The following IGSF21 variants were observed in gnomAD, a reference collection of about 807,000 sequenced individuals.
IGSF21 encodes the protein immunoglobulin superfamily member 21.
Under a neutral mutation model 46.8 loss-of-function variants are expected in IGSF21, and 28 were observed. The ratio of observed to expected loss-of-function variants is 0.60; its 90% CI spans 0.44 to 0.82. The LOEUF is 0.82. Among genes scored for constraint, IGSF21 ranks in the 40% least tolerant of loss-of-function variants. IGSF21 has a pLI of 0.00. For synonymous variants in IGSF21, 284 were observed against 273.6 expected (o/e 1.04, Z -0.38); for missense variants, 624 against 665.5 (o/e 0.94, Z 0.69).
intron 1 of IGSF21, among the ~76,000 whole-genome samples, chr1:18,124,875 C>T (rs748300793): frequency 1.3e-5 from 2 of 152,176 alleles, no homozygotes; most frequent in South Asian, 2.1e-4. Context: ...TTTAGTGCGG[C>T]GTGTGGGTCT....
At chr1:18,268,796 AG>A (rs755664703) in intron 2 of IGSF21, among the ~76,000 whole-genome samples, 4 of 152,162 alleles carry the variant, frequency 2.6e-5, no homozygotes, top group Non-Finnish European at 4.4e-5. Flanking sequence ...AAGGGCTGAG[AG>A]CTGTCCCACA....
intron 4 of IGSF21, among the ~76,000 whole-genome samples, chr1:18,347,056 G>T (rs1200823992): frequency 1.3e-5 from 2 of 152,218 alleles, no homozygotes; most frequent in Non-Finnish European, 2.9e-5. Flanking sequence ...GGGCTCGGAG[G>T]AGCATTTTGA....
intron 4 of IGSF21, among the ~76,000 whole-genome samples, chr1:18,348,582 A>G (rs1432781254): frequency 6.6e-6 from 1 of 152,204 alleles, no homozygotes; most frequent in African/African-American, 2.4e-5. Context: ...TGGCTGTTGA[A>G]ACTGCAGTGC....
chr1:18,253,442 G>A (rs894741039), intron 2 of IGSF21, among the ~76,000 whole-genome samples: 5 of 152,230 alleles, frequency 3.3e-5, no homozygotes, highest in Non-Finnish European at 7.3e-5. Context: ...CATCAGCCTT[G>A]CAGAAGCTGC....
intron 2 of IGSF21, among the ~76,000 whole-genome samples, chr1:18,270,948 C>A (rs773550142): frequency 3.9e-5 from 6 of 152,190 alleles, no homozygotes; most frequent in Non-Finnish European, 5.9e-5. Context: ...TTTACCTGAC[C>A]GTGCAAGTAA....
chr1:18,295,476 G>C (rs902193477), intron 3 of IGSF21, among the ~76,000 whole-genome samples: 2 of 152,194 alleles, frequency 1.3e-5, no homozygotes, highest in Non-Finnish European at 2.9e-5. Context: ...GCAAAGAAGT[G>C]ATTCTAAACC....
intron 2 of IGSF21, among the ~76,000 whole-genome samples, chr1:18,236,921 C>T (rs995731580): frequency 6.6e-6 from 1 of 152,164 alleles, no homozygotes; most frequent in Non-Finnish European, 1.5e-5. Context: ...GGGCTAATGC[C>T]TAGCTAGAGT....
At chr1:18,318,950 C>T (rs1480586520) in intron 3 of IGSF21, among the ~76,000 whole-genome samples, 1 of 152,152 alleles carries the variant, frequency 6.6e-6, no homozygotes, top group African/African-American at 2.4e-5. Flanking sequence ...GGATTTAAAC[C>T]AGGGAATGAC....
intron 1 of IGSF21, among the ~76,000 whole-genome samples, chr1:18,227,567 T>G: frequency 6.6e-6 from 1 of 151,664 alleles, no homozygotes; most frequent in East Asian, 1.9e-4. Context: ...AGAAATACAT[T>G]GAGGCTGTTC....
intron 3 of IGSF21, among the ~76,000 whole-genome samples, chr1:18,321,261 G>C (rs2085598081): frequency 6.6e-6 from 1 of 152,172 alleles, no homozygotes. Context: ...TGTTGCTGTA[G>C]AGCCACAGTC....
Position 18,359,367 on chromosome 1 carries a change from AAAGAAAGAAAGAAAGAAAGGAAGGAAGG to A in IGSF21, c.425-2744_425-2717del, listed in dbSNP as rs1354405428. On this transcript the variant is annotated intron_variant, in intron 4 of 9. Coordinates refer to ENST00000251296, the MANE Select transcript of IGSF21 (RefSeq NM_032880.5). Reference sequence around the variant, plus strand: ...GAAAGAAAGAAAGAAAGAAAGAAAGAAAGAAAGAAAGAAAGAAAGGAAGGAAGGAAGGAAGGAAGGAAGGAAGGAAGGA... The same window carrying A: ...GAAAGAAAGAAAGAAAGAAAGAAAGAAAGGAAGGAAGGAAGGAAGGAAGGA... 2.9e-3 allele frequency among the ~76,000 whole-genome samples: 278 copies of A among 97,376 alleles called. 4 individuals are homozygous for A. Among genetic ancestry groups the A allele is most frequent in the African/African-American group, 9.0e-3 (252 of 27,848 alleles). 63.9% of individuals were successfully genotyped at this position (97,376 alleles called of 152,430 possible). A position where few individuals can be genotyped will look rare whatever the true frequency, so the allele number is the denominator to read the frequency against.
chr1:18,307,827 C>A (rs1199247673), intron 3 of IGSF21, among the ~76,000 whole-genome samples: 2 of 152,202 alleles, frequency 1.3e-5, no homozygotes, highest in African/African-American at 4.8e-5. Flanking sequence ...TGGTTCTCAT[C>A]TTCAGGGTGC....
intron 4 of IGSF21, among the ~76,000 whole-genome samples, chr1:18,354,888 G>A (rs1189973226): frequency 1.4e-5 from 1 of 71,440 alleles, no homozygotes; most frequent in Admixed American, 1.3e-4. Flanking sequence ...GAAGGTTTAT[G>A]TTTGCTTTCC....
chr1:18,232,416 A>G (rs1246441890), intron 2 of IGSF21, among the ~76,000 whole-genome samples: 1 of 152,170 alleles, frequency 6.6e-6, no homozygotes, highest in Non-Finnish European at 1.5e-5. Context: ...TGAGTGGCTG[A>G]CATTATTGAG....
chr1:18,272,283 A>C (rs913160364), intron 2 of IGSF21, among the ~76,000 whole-genome samples: 3 of 141,674 alleles, frequency 2.1e-5, no homozygotes, highest in Non-Finnish European at 3.1e-5. Context: ...ACAACACGTG[A>C]GAAGTATGAG....
chr1:18,174,983 G>A (rs1324925566), intron 1 of IGSF21, among the ~76,000 whole-genome samples: 1 of 152,232 alleles, frequency 6.6e-6, no homozygotes, highest in Non-Finnish European at 1.5e-5. Context: ...AGTCCCCTGA[G>A]GTGGGACCGT....
intron 2 of IGSF21, among the ~76,000 whole-genome samples, chr1:18,250,428 A>G (rs1013711800): frequency 1.3e-5 from 2 of 152,080 alleles, no homozygotes; most frequent in African/African-American, 4.8e-5. Flanking sequence ...CATCTGGTGA[A>G]GCAGCCTCCA....
intron 1 of IGSF21, among the ~76,000 whole-genome samples, chr1:18,152,893 G>A (rs2086533437): frequency 6.6e-6 from 1 of 152,168 alleles, no homozygotes; most frequent in Admixed American, 6.5e-5. Flanking sequence ...CTGAACCTCT[G>A]TTTCCTTGGA....
chr1:18,373,418 G>A (rs1222466452), intron 6 of IGSF21, among the ~76,000 whole-genome samples: 2 of 152,174 alleles, frequency 1.3e-5, no homozygotes, highest in Admixed American at 1.3e-4. Flanking sequence ...GGAGTGTCAG[G>A]AGGCTGAGGG....
Sources: allele counts gnomAD v4.1 joint callset (sites outside exome capture counted in the v4.1 genomes callset), GRCh38; gene constraint gnomAD v4.1.1; transcripts MANE v1.5; gene names NCBI Gene and HGNC (gene_info 2026-07-23, HGNC 2026-07-21).